The following SMCHD1 variants were observed in gnomAD, a reference collection of about 807,000 sequenced individuals.
SMCHD1 encodes the protein structural maintenance of chromosomes flexible hinge domain containing 1.
Under a neutral mutation model 254.7 loss-of-function variants are expected in SMCHD1, and 78 were observed. The ratio of observed to expected loss-of-function variants is 0.31; its 90% CI spans 0.26 to 0.37. The LOEUF is 0.37. Among genes scored for constraint, SMCHD1 ranks in the 10% least tolerant of loss-of-function variants. SMCHD1 has a pLI of 1.00. For missense variants in SMCHD1, 1,840 were observed against 2,408.1 expected (o/e 0.76, Z 4.94); for synonymous variants, 766 against 794.9 (o/e 0.96, Z 0.61).
chr18:2,742,912 G>T (rs912978698), intron 28 of SMCHD1, among the ~76,000 whole-genome samples: 2 of 152,106 alleles, frequency 1.3e-5, no homozygotes, highest in Non-Finnish European at 2.9e-5. Context: ...GGGCTCAAGG[G>T]ATCCTTCCAC....
chr18:2,736,065 A>C (rs913664244), intron 25 of SMCHD1, among the ~76,000 whole-genome samples: 5 of 152,208 alleles, frequency 3.3e-5, no homozygotes, highest in African/African-American at 1.2e-4. Context: ...ACAAACACAT[A>C]GACCAGTGGA....
In SMCHD1 at chr18:2,674,174, T is replaced by C. The variant is rs2073685807; in HGVS notation, c.638+29T>C. 4 of 1,515,506 alleles carry C rather than the reference T, an allele frequency of 2.6e-6. No individual in the cohort carries two copies. The African/African-American group carries it at 5.6e-5, about 21-fold the overall frequency. The allele number at this position is 1,515,506 out of a possible 1,614,324, so 93.9% of individuals were successfully genotyped here. A position where few individuals can be genotyped will look rare whatever the true frequency, so the allele number is the denominator to read the frequency against. On this transcript the variant is annotated intron_variant, in intron 5 of 47. Transcript: ENST00000320876. ...AGAAAACCTTACTTTTTTTTTTTTGTGGGTAGCTATGTATTTTAGTAAGGA... is the reference window on the plus strand; with the variant it reads ...AGAAAACCTTACTTTTTTTTTTTTGCGGGTAGCTATGTATTTTAGTAAGGA...
In SMCHD1 at chr18:2,747,558, C is replaced by A. The variant is rs1322896954; in HGVS notation, c.3838C>A (p.Pro1280Thr). The change falls in exon 30 of 48, where the codon CCT becomes ACT. Residue 1280 changes from proline (P) to threonine (T), a missense_variant. Physicochemically the swap from Pro to Thr is conservative, Grantham distance 38. Coordinates refer to ENST00000320876, the MANE Select transcript of SMCHD1 (RefSeq NM_015295.3). ...PVINGRDLQN[P>T]IIVQLCDQWD... ...GATTAATGGAAGAGATTTACAGAACCCTATTATTGTTCAACTTTGTGATCA... is the reference window on the plus strand; with the variant it reads ...GATTAATGGAAGAGATTTACAGAACACTATTATTGTTCAACTTTGTGATCA... The A allele has an allele frequency of 6.2e-7, 1 of 1,608,160 alleles. No homozygotes were observed. Among genetic ancestry groups the A allele is most frequent in the South Asian group, 1.1e-5 (1 of 90,660 alleles).
chr18:2,667,172 C>T, intron 3 of SMCHD1, 141 bp downstream of exon 3: 1 of 675,508 alleles, frequency 1.5e-6, no homozygotes, highest in Non-Finnish European at 2.5e-6. Flanking sequence ...TACTCAAATT[C>T]ATCACGGTAT....
chr18:2,802,640 C>A lies in SMCHD1; in HGVS notation c.*88C>A. 1 of 1,251,750 alleles carries A rather than the reference C, an allele frequency of 8.0e-7. No homozygotes were observed. The highest frequency in any genetic ancestry group is 1.1e-6 in the Non-Finnish European group (1 of 904,710). The allele number at this position is 1,251,750 out of a possible 1,614,324, so 77.5% of individuals were successfully genotyped here. On this transcript the variant is annotated 3_prime_UTR_variant, in exon 48 of 48. Transcript: ENST00000320876. ...TTCAGAAGACCAAGAGGGTGACTTA[C>A]CAGACTGAGTATTTCTGGGGACAAT...
At chr18:2,792,955 ATCC>A (rs1432452547) in intron 45 of SMCHD1, among the ~76,000 whole-genome samples, 2 of 152,184 alleles carry the variant, frequency 1.3e-5, no homozygotes, top group Non-Finnish European at 1.5e-5. Flanking sequence ...GCTTGCCTCT[ATCC>A]TCCTCTTCCT....
chr18:2,705,633 C>T, intron 13 of SMCHD1, 61 bp from the exon 14 acceptor site: 10 of 722,192 alleles, frequency 1.4e-5, no homozygotes, highest in East Asian at 5.9e-5. Flanking sequence ...ATTATTAAGC[C>T]TTTTTCTCTT....
intron 5 of SMCHD1, among the ~76,000 whole-genome samples, chr18:2,685,301 G>A (rs1212461671): frequency 4.0e-5 from 6 of 151,652 alleles, no homozygotes; most frequent in Admixed American, 1.3e-4. Context: ...GGGTTTCTCC[G>A]TGTTAGCCAG....
chr18:2,694,162 A>C (rs2074240505), intron 7 of SMCHD1, among the ~76,000 whole-genome samples: 1 of 152,188 alleles, frequency 6.6e-6, no homozygotes, highest in South Asian at 2.1e-4. Flanking sequence ...GACCAAGTTA[A>C]GTGGTAGGTC....
intron 5 of SMCHD1, 133 bp downstream of exon 5, chr18:2,674,278 A>G (rs766475178): frequency 4.5e-5 from 32 of 717,568 alleles, no homozygotes; most frequent in Non-Finnish European, 6.1e-5. Context: ...TAGGTTTTAT[A>G]TTATAGAATT....
At chr18:2,773,908 G>T (rs1347486685) in intron 41 of SMCHD1, among the ~76,000 whole-genome samples, 1 of 152,104 alleles carries the variant, frequency 6.6e-6, no homozygotes, top group Non-Finnish European at 1.5e-5. Context: ...GAGTGACAGA[G>T]CGAGACTCTG....
In SMCHD1 at chr18:2,796,099, A is replaced by G; in HGVS notation, c.5870A>G (p.Glu1957Gly). ...GAGAAAAATCTCAAACTAATAGAGGAAAAACTAGGTAAGTCTTTGCTTTTT... is the reference window on the plus strand; with the variant it reads ...GAGAAAAATCTCAAACTAATAGAGGGAAAACTAGGTAAGTCTTTGCTTTTT... ...EHEKNLKLIE[E>G]KLGMTPIRKC... The change falls in exon 46 of 48, where the codon GAA (glutamate) becomes GGA (glycine). Residue 1957 changes from glutamate (E) to glycine (G), a missense_variant. By Grantham distance (98) the Glu-to-Gly change is moderately conservative. Coordinates refer to ENST00000320876, the MANE Select transcript of SMCHD1 (RefSeq NM_015295.3). 1 of 1,553,824 alleles carries G rather than the reference A, an allele frequency of 6.4e-7. No homozygotes were observed. Among genetic ancestry groups the G allele is most frequent in the Non-Finnish European group, 8.7e-7 (1 of 1,152,000 alleles).
chr18:2,683,669 G>T (rs1169886029), intron 5 of SMCHD1, among the ~76,000 whole-genome samples: 3 of 152,140 alleles, frequency 2.0e-5, no homozygotes, highest in African/African-American at 7.2e-5. Flanking sequence ...TTATATCCTT[G>T]CTGGATTTTC....
At chr18:2,745,635 T>A (rs1011440618) in intron 29 of SMCHD1, among the ~76,000 whole-genome samples, 1 of 152,206 alleles carries the variant, frequency 6.6e-6, no homozygotes, top group Admixed American at 6.5e-5. Context: ...ATTTGTTGAT[T>A]GACTGTTACC....
chr18:2,758,328 G>A (rs572677831), intron 34 of SMCHD1, among the ~76,000 whole-genome samples: 3 of 151,962 alleles, frequency 2.0e-5, no homozygotes, highest in East Asian at 1.9e-4. Context: ...GATTTGTAAC[G>A]TGTATACTTG....
At chr18:2,753,835 G>T (rs2075621016) in intron 34 of SMCHD1, among the ~76,000 whole-genome samples, 1 of 152,112 alleles carries the variant, frequency 6.6e-6, no homozygotes, top group Admixed American at 6.6e-5. Context: ...GGGATTACAA[G>T]CATGAGCCAC....
At chr18:2,716,379 G>T (rs1249941392) in intron 17 of SMCHD1, among the ~76,000 whole-genome samples, 3 of 152,184 alleles carry the variant, frequency 2.0e-5, no homozygotes, top group Non-Finnish European at 2.9e-5. Flanking sequence ...CTCCTGTCCG[G>T]TATGTGGTGC....
At chr18:2,699,693 A>G (rs542929248) in intron 10 of SMCHD1, among the ~76,000 whole-genome samples, 1 of 152,242 alleles carries the variant, frequency 6.6e-6, no homozygotes, top group Non-Finnish European at 1.5e-5. Flanking sequence ...AATAGACAAA[A>G]AGATATAATT....
chr18:2,685,493 A>G (rs1455938687), intron 5 of SMCHD1, among the ~76,000 whole-genome samples: 1 of 152,140 alleles, frequency 6.6e-6, no homozygotes, highest in East Asian at 1.9e-4. Flanking sequence ...TAAAGTATAT[A>G]ATTCCATGAC....
Sources: gnomAD v4.1 joint callset for allele counts (sites outside exome capture counted in the v4.1 genomes callset) on GRCh38, gnomAD v4.1.1 for gene constraint, MANE v1.5 for transcripts, NCBI Gene and HGNC (gene_info 2026-07-23, HGNC 2026-07-21) for gene names.